DGKB: variants seen among roughly 807,000 people sequenced by gnomAD.
DGKB encodes 90 kDa diacylglycerol kinase.
Under a neutral mutation model 114.3 loss-of-function variants are expected in DGKB, and 67 were observed. That is an observed-to-expected ratio of 0.59 (90% CI 0.48 to 0.72). DGKB has a LOEUF of 0.72. Ranked by LOEUF, DGKB falls within the 30% of genes least tolerant of loss-of-function variation. The probability of loss-of-function intolerance (pLI) is 0.00; values close to 1 mark genes in which losing one functional copy is unlikely to be tolerated. For synonymous variants in DGKB, 398 were observed against 323.1 expected, an observed-to-expected ratio of 1.23 and a Z score of -2.49; for missense variants, 907 against 975.2, an observed-to-expected ratio of 0.93 and a Z score of 0.93.
At chr7:14,538,463 A>G (rs1327229097) in intron 20 of DGKB, among the ~76,000 whole-genome samples, 1 of 152,198 alleles carries the variant, frequency 6.6e-6, no homozygotes, top group African/African-American at 2.4e-5. Flanking sequence ...CAGGATGGCT[A>G]TCACCCAAAA....
chr7:14,852,493 A>AAAAAAAAAAAAAAAAAAAAAAAAAAAC (rs1475541455), intron 1 of DGKB, among the ~76,000 whole-genome samples: 1 of 146,612 alleles, frequency 6.8e-6, no homozygotes, highest in Non-Finnish European at 1.5e-5. Flanking sequence ...AAGTCAAAAA[A>AAAAAAAAAAAAAAAAAAAAAAAAAAAC]AAAACAGAAA....
intron 2 of DGKB, among the ~76,000 whole-genome samples, chr7:14,824,597 A>G (rs1845403370): frequency 6.6e-6 from 1 of 152,150 alleles, no homozygotes; most frequent in Admixed American, 6.6e-5. Flanking sequence ...AAATGTTTTC[A>G]TTAGCCTAGA....
intron 1 of DGKB, among the ~76,000 whole-genome samples, chr7:14,852,269 T>C (rs1849450447): frequency 1.3e-5 from 2 of 150,164 alleles, no homozygotes; most frequent in African/African-American, 5.0e-5. Context: ...TTTTAGCATA[T>C]GCTGAAAGAA....
intron 5 of DGKB, among the ~76,000 whole-genome samples, chr7:14,722,988 T>A (rs1203167732): frequency 6.8e-6 from 1 of 147,634 alleles, no homozygotes; most frequent in Non-Finnish European, 1.5e-5. Flanking sequence ...TTTTACACCC[T>A]ACTCTACCCT....
chr7:14,420,953 C>A (rs769917700), intron 21 of DGKB, among the ~76,000 whole-genome samples: 14 of 152,090 alleles, frequency 9.2e-5, no homozygotes, highest in Non-Finnish European at 1.0e-4. Context: ...ACAACCCCCA[C>A]CCCCTTCCAC....
chr7:14,240,391 T>C (rs140525233), intron 23 of DGKB, among the ~76,000 whole-genome samples: 20 of 152,180 alleles, frequency 1.3e-4, no homozygotes, highest in African/African-American at 4.3e-4. Context: ...AATTGCATAA[T>C]TATTTTTAAA....
chr7:14,508,171 A>AAC (rs1258346624), intron 20 of DGKB, among the ~76,000 whole-genome samples: 2 of 152,222 alleles, frequency 1.3e-5, no homozygotes, highest in Admixed American at 6.5e-5. Context: ...ATATAATTAA[A>AAC]ACACAAGAAA....
chr7:14,789,636 C>T (rs1474401961), intron 2 of DGKB, among the ~76,000 whole-genome samples: 1 of 152,096 alleles, frequency 6.6e-6, no homozygotes, highest in African/African-American at 2.4e-5. Flanking sequence ...CTCACTGAAG[C>T]CTTGACCTCC....
chr7:14,647,386 C>T, intron 13 of DGKB, among the ~76,000 whole-genome samples: 1 of 152,154 alleles, frequency 6.6e-6, no homozygotes, highest in East Asian at 1.9e-4. Flanking sequence ...AGTTTTACTG[C>T]TGAATTCAAC....
Position 14,685,386 on chromosome 7 carries a change from G to T in DGKB, c.712-24C>A, listed in dbSNP as rs375024153. The stretch of plus-strand genomic sequence containing the variant: ...TTCTGCATGGGACGTAAGAGAAACA[G>T]ATTTCACTTAATGAAATAAACAGTG... On this transcript the variant is annotated intron_variant, in intron 9 of 25. Coordinates refer to ENST00000402815, the MANE Select transcript of DGKB (RefSeq NM_001350709.2). The T allele has an allele frequency of 9.5e-5, 144 of 1,516,630 alleles. No individual in the cohort carries two copies. In the African/African-American group the frequency reaches 1.8e-3, roughly 19 times the overall value. 93.9% of individuals were successfully genotyped at this position (1,516,630 alleles called of 1,614,324 possible). A position where few individuals can be genotyped will look rare whatever the true frequency, so the allele number is the denominator to read the frequency against.
intron 1 of DGKB, among the ~76,000 whole-genome samples, chr7:14,877,865 T>C (rs773103309): frequency 1.3e-5 from 2 of 152,180 alleles, no homozygotes; most frequent in East Asian, 1.9e-4. Flanking sequence ...AAATCGTATA[T>C]AGAAAAATTA....
chr7:14,225,044 G>T (rs1790568354), intron 23 of DGKB, among the ~76,000 whole-genome samples: 1 of 152,002 alleles, frequency 6.6e-6, no homozygotes, highest in South Asian at 2.1e-4. Context: ...CCAGCCTACA[G>T]TGCAGCCTGC....
chr7:14,373,500 C>T (rs1818002966), intron 21 of DGKB, among the ~76,000 whole-genome samples: 1 of 152,116 alleles, frequency 6.6e-6, no homozygotes, highest in South Asian at 2.1e-4. Flanking sequence ...AAAATAAAAT[C>T]TGAGTTCAGT....
chr7:14,439,859 T>C, intron 21 of DGKB, among the ~76,000 whole-genome samples: 1 of 120,154 alleles, frequency 8.3e-6, no homozygotes, highest in Non-Finnish European at 1.7e-5. Context: ...AGTGAGACTC[T>C]GTTTCCAAAA....
chr7:14,234,546 A>G (rs1278797055), intron 23 of DGKB, among the ~76,000 whole-genome samples: 1 of 152,208 alleles, frequency 6.6e-6, no homozygotes, highest in Admixed American at 6.6e-5. Flanking sequence ...CAAGGAATGA[A>G]TAATATTTTT....
chr7:14,447,041 T>C (rs1830817396), intron 21 of DGKB, among the ~76,000 whole-genome samples: 1 of 152,152 alleles, frequency 6.6e-6, no homozygotes, highest in Non-Finnish European at 1.5e-5. Flanking sequence ...CCACTGCTAA[T>C]TGTAATATCA....
At chr7:14,868,792 C>T (rs760933311) in intron 1 of DGKB, among the ~76,000 whole-genome samples, 3 of 152,060 alleles carry the variant, frequency 2.0e-5, no homozygotes, top group Non-Finnish European at 2.9e-5. Context: ...TGGTGACTAC[C>T]TCAAAGCTGA....
chr7:14,809,318 A>G (rs1274161319), intron 2 of DGKB, among the ~76,000 whole-genome samples: 7 of 152,054 alleles, frequency 4.6e-5, no homozygotes, highest in Non-Finnish European at 8.8e-5. Context: ...GTGCTCCTCA[A>G]TCTCTAGCAT....
In DGKB at chr7:14,580,940, C is replaced by T; in HGVS notation, c.1531G>A (p.Val511Ile). 6.3e-6 allele frequency: 10 copies of T among 1,598,876 alleles called. No individual in the cohort carries two copies. The highest frequency in any genetic ancestry group is 8.5e-6 in the Non-Finnish European group (10 of 1,170,330). ...ATCGCAACTGGAGGATGCTTGCCTA[C>T]ATTGGCCTTTTCTGCAGAATAAAAA... is the stretch of plus-strand genomic sequence containing the variant. ...WVLDCIEKAN[V>I]GKHPPVAILP... The change falls in exon 19 of 26, where the codon GTA becomes ATA. Residue 511 changes from valine (V) to isoleucine (I), a missense_variant. Transcript: ENST00000402815.
Sources: allele counts gnomAD v4.1 joint callset (sites outside exome capture counted in the v4.1 genomes callset), GRCh38; gene constraint gnomAD v4.1.1; transcripts MANE v1.5; gene names NCBI Gene and HGNC (gene_info 2026-07-23, HGNC 2026-07-21).